Variants in STK3 observed in about 807,000 individuals in gnomAD.
STK3 encodes the protein serine/threonine kinase 3, also known as serine/threonine-protein kinase 3.
In STK3, 41 loss-of-function variants were observed where a neutral mutation model predicts 58.0. The ratio of observed to expected loss-of-function variants is 0.71; its 90% CI spans 0.55 to 0.92. The LOEUF is 0.92. Ranked by LOEUF, STK3 falls within the 40% of genes least tolerant of loss-of-function variation. STK3 has a pLI of 0.00. For synonymous variants in STK3, 170 were observed against 191.0 expected (o/e 0.89, Z 0.91); for missense variants, 479 against 602.7 (o/e 0.79, Z 2.15).
intron 10 of STK3, among the ~76,000 whole-genome samples, chr8:98,469,697 CA>C (rs781661771): frequency 8.5e-5 from 13 of 152,182 alleles, no homozygotes; most frequent in Admixed American, 2.0e-4. Context: ...TAAATCTTCA[CA>C]TTTTTATTTT....
intron 1 of STK3, among the ~76,000 whole-genome samples, chr8:98,445,703 T>C (rs1818912896): frequency 1.3e-5 from 2 of 152,196 alleles, no homozygotes; most frequent in Admixed American, 1.3e-4. Flanking sequence ...AGCATGCAGA[T>C]AGTGAACTGA....
intron 3 of STK3, among the ~76,000 whole-genome samples, chr8:98,407,873 G>A (rs758898432): frequency 6.6e-6 from 1 of 152,208 alleles, no homozygotes; most frequent in Non-Finnish European, 1.5e-5. Context: ...TCTCTAAATG[G>A]AACCTGCAAT....
intron 6 of STK3, among the ~76,000 whole-genome samples, chr8:98,670,719 G>A (rs1218340497): frequency 1.3e-5 from 2 of 152,120 alleles, no homozygotes; most frequent in South Asian, 4.1e-4. Flanking sequence ...GGGCCCCCCC[G>A]ATCCTGTGCC....
chr8:98,893,261 T>C (rs1838265465), intron 1 of STK3, among the ~76,000 whole-genome samples: 1 of 151,552 alleles, frequency 6.6e-6, no homozygotes, highest in South Asian at 2.1e-4. Context: ...TGGTGGTGCA[T>C]GCCTGTAGTC....
intron 1 of STK3, among the ~76,000 whole-genome samples, chr8:98,808,825 GGCCCCTACAAA>G (rs1257913983): frequency 1.3e-5 from 2 of 152,168 alleles, no homozygotes; most frequent in Non-Finnish European, 2.9e-5. Flanking sequence ...ACTCTTGGTA[GGCCCCTACAAA>G]GCTGCAGGGG....
chr8:98,769,849 G>A (rs1267274031), intron 2 of STK3, among the ~76,000 whole-genome samples: 1 of 152,198 alleles, frequency 6.6e-6, no homozygotes, highest in African/African-American at 2.4e-5. Context: ...AGGCTTAAAT[G>A]TCCAGCTCAA....
intron 10 of STK3, among the ~76,000 whole-genome samples, chr8:98,467,802 C>T (rs542005250): frequency 6.6e-6 from 1 of 151,966 alleles, no homozygotes; most frequent in Non-Finnish European, 1.5e-5. Context: ...ATAATAAATA[C>T]CATAGTTGAC....
intron 3 of STK3, chr8:98,875,302 T>C (rs981781181): frequency 2.6e-5 from 4 of 152,208 alleles, no homozygotes; most frequent in African/African-American, 9.7e-5. Context: ...TCAGGTATCT[T>C]AGGTACTGTG....
At chr8:98,919,285 G>C (rs1195706733) in intron 1 of STK3, among the ~76,000 whole-genome samples, 2 of 152,190 alleles carry the variant, frequency 1.3e-5, no homozygotes, top group Non-Finnish European at 2.9e-5. Flanking sequence ...GGTCTGACTT[G>C]AGAGAGGTAA....
rs200556218 is a variant in STK3, at chr8:98,903,556, C to CTTCTTCTTCTTCCTCTTCTTCTT, written c.-78-19723_-78-19722insAAGAAGAAGAGGAAGAAGAAGAA. ...TCTTCTTCTTCTTCTTCTTCTTCTT[C>CTTCTTCTTCTTCCTCTTCTTCTT]CTTTTTTTTTTTTTAAGTGGGGCCT... On this transcript the variant is annotated intron_variant, in intron 1 of 1. Coordinates refer to the STK3 transcript ENST00000519420. 1.1e-3 allele frequency among the ~76,000 whole-genome samples: 57 copies of CTTCTTCTTCTTCCTCTTCTTCTT among 50,514 alleles called. 4 individuals carry two copies. The highest frequency in any genetic ancestry group is 3.5e-3 in the African/African-American group (52 of 14,658). 33.1% of individuals were successfully genotyped at this position (50,514 alleles called of 152,430 possible). A position where few individuals can be genotyped will look rare whatever the true frequency, so the allele number is the denominator to read the frequency against.
chr8:98,840,959 T>C (rs1835958230), intron 3 of STK3, among the ~76,000 whole-genome samples: 1 of 152,160 alleles, frequency 6.6e-6, no homozygotes, highest in Non-Finnish European at 1.5e-5. Context: ...CAAGATTCAG[T>C]TCCTCATGGG....
At chr8:98,628,535 A>C (rs1369084243) in intron 6 of STK3, among the ~76,000 whole-genome samples, 7 of 152,126 alleles carry the variant, frequency 4.6e-5, no homozygotes, top group Non-Finnish European at 1.0e-4. Context: ...GGTGGCTCAC[A>C]CCTGTAATCC....
At chr8:98,803,532 T>C (rs1833706984) in intron 1 of STK3, among the ~76,000 whole-genome samples, 1 of 144,608 alleles carries the variant, frequency 6.9e-6, no homozygotes, top group Non-Finnish European at 1.5e-5. Flanking sequence ...AGGCGGAGCT[T>C]GCAGTGAGCC....
At chr8:98,760,722 A>T in intron 3 of STK3, among the ~76,000 whole-genome samples, 2 of 132,142 alleles carry the variant, frequency 1.5e-5, no homozygotes, top group African/African-American at 2.7e-5. Context: ...CTTTTTTTTG[A>T]GGGGGTGGGG....
chr8:98,918,036 T>G (rs541256090), intron 1 of STK3, among the ~76,000 whole-genome samples: 2 of 152,368 alleles, frequency 1.3e-5, no homozygotes, highest in East Asian at 3.9e-4. Flanking sequence ...AGACCTTGTA[T>G]GTATTATCTC....
chr8:98,561,795 C>A (rs1257058735), intron 8 of STK3, among the ~76,000 whole-genome samples: 1 of 152,092 alleles, frequency 6.6e-6, no homozygotes, highest in Non-Finnish European at 1.5e-5. Context: ...ATCCAAAATA[C>A]ACAAACTCTT....
intron 3 of STK3, chr8:98,432,072 T>A (rs1818342207): frequency 6.0e-6 from 1 of 167,056 alleles, no homozygotes; most frequent in Admixed American, 6.5e-5. Context: ...AAAGTCTCAC[T>A]AAGGTTTGAA....
intron 6 of STK3, among the ~76,000 whole-genome samples, chr8:98,695,218 T>C (rs1019728977): frequency 6.6e-6 from 1 of 152,210 alleles, no homozygotes; most frequent in African/African-American, 2.4e-5. Context: ...GTAAATTTGT[T>C]TGAGTTCATT....
At chr8:98,573,065 C>A (rs1813092006) in intron 8 of STK3, among the ~76,000 whole-genome samples, 1 of 152,056 alleles carries the variant, frequency 6.6e-6, no homozygotes, top group African/African-American at 2.4e-5. Flanking sequence ...AAGCAGTGGG[C>A]AGAAGCTAGA....
Sources: allele counts gnomAD v4.1 joint callset (sites outside exome capture counted in the v4.1 genomes callset), GRCh38; gene constraint gnomAD v4.1.1; transcripts MANE v1.5; gene names NCBI Gene and HGNC (gene_info 2026-07-23, HGNC 2026-07-21).